Variants in TMEM178B observed in about 807,000 individuals in gnomAD.
TMEM178B encodes transmembrane protein 178B.
Under a neutral mutation model 31.0 loss-of-function variants are expected in TMEM178B, and 5 were observed. That is an observed-to-expected ratio of 0.16 (90% CI 0.08 to 0.34). The LOEUF (loss-of-function observed/expected upper bound fraction) is 0.34, where lower values mean the gene tolerates loss of function less well. Ranked by LOEUF, TMEM178B falls within the 10% of genes least tolerant of loss-of-function variation. The pLI, the probability that TMEM178B is intolerant of heterozygous loss-of-function variation, is 1.00. For synonymous variants in TMEM178B, 164 were observed against 164.0 expected, an observed-to-expected ratio of 1.00 and a Z score of 0.00; for missense variants, 275 against 400.3, an observed-to-expected ratio of 0.69 and a Z score of 2.67.
At chr7:141,453,315 T>C (rs543174061) in intron 3 of TMEM178B, among the ~76,000 whole-genome samples, 2 of 152,374 alleles carry the variant, frequency 1.3e-5, no homozygotes, top group East Asian at 3.9e-4. Context: ...TAACTTTGAC[T>C]TCTTGGCCTT....
rs757938228 is a variant in TMEM178B at position 141,473,466 on chromosome 7, G to A, written c.*2680G>A. On this transcript the variant is annotated 3_prime_UTR_variant, in exon 4 of 4. Coordinates refer to ENST00000565468, the MANE Select transcript of TMEM178B (RefSeq NM_001195278.2). The stretch of plus-strand genomic sequence containing the variant: ...TTTGTAAGTAATCATGTTTGAGGAT[G>A]CTGGCTCACAGACCTATCATTATTT... 2 of 152,164 alleles carry A rather than the reference G, an allele frequency of 1.3e-5. No homozygotes were observed. The highest frequency in any genetic ancestry group is 2.9e-5 in the Non-Finnish European group (2 of 68,032). The allele number at this position is 152,164 out of a possible 1,614,324, so 9.4% of individuals were successfully genotyped here. A position where few individuals can be genotyped will look rare whatever the true frequency, so the allele number is the denominator to read the frequency against.
At chr7:141,363,804 C>T (rs1799957330) in intron 2 of TMEM178B, among the ~76,000 whole-genome samples, 1 of 151,954 alleles carries the variant, frequency 6.6e-6, no homozygotes, top group South Asian at 2.1e-4. Context: ...AGTAGAGGAC[C>T]CTTTCAGCCC....
chr7:141,337,410 A>G (rs1184374414), intron 2 of TMEM178B, among the ~76,000 whole-genome samples: 2 of 151,694 alleles, frequency 1.3e-5, no homozygotes, highest in African/African-American at 4.9e-5. Context: ...AGCAGCAAGA[A>G]ACTCTTATTG....
intron 1 of TMEM178B, among the ~76,000 whole-genome samples, chr7:141,131,932 T>C (rs1041667021): frequency 1.3e-5 from 2 of 152,162 alleles, no homozygotes; most frequent in African/African-American, 4.8e-5. Context: ...GCAGATGCTC[T>C]GCAGCTTTAC....
chr7:141,319,111 G>A (rs1799053877), intron 2 of TMEM178B, among the ~76,000 whole-genome samples: 1 of 152,230 alleles, frequency 6.6e-6, no homozygotes, highest in African/African-American at 2.4e-5. Context: ...GGCAATCCTA[G>A]TGGACCACTG....
At chr7:141,483,299 G>A (rs558378332), downstream of TMEM178B, among the ~76,000 whole-genome samples, 3 of 152,152 alleles carry the variant, frequency 2.0e-5, no homozygotes, top group Non-Finnish European at 4.4e-5. Flanking sequence ...GTCCACATGA[G>A]AGTTCCTTTC....
chr7:141,214,246 T>G (rs1204189054), intron 2 of TMEM178B, among the ~76,000 whole-genome samples: 1 of 152,198 alleles, frequency 6.6e-6, no homozygotes, highest in African/African-American at 2.4e-5. Flanking sequence ...TAACTTAAGT[T>G]ATGGGGGTCG....
chr7:141,090,576 CTCT>C (rs1441266710), intron 1 of TMEM178B, among the ~76,000 whole-genome samples: 1 of 152,158 alleles, frequency 6.6e-6, no homozygotes, highest in Non-Finnish European at 1.5e-5. Flanking sequence ...CTGTAATTTC[CTCT>C]TCTTTGGTTT....
At chr7:141,172,212 A>G (rs568895799) in intron 1 of TMEM178B, among the ~76,000 whole-genome samples, 21 of 152,174 alleles carry the variant, frequency 1.4e-4, no homozygotes, top group Non-Finnish European at 2.5e-4. Context: ...CATCTCATTC[A>G]TTCATTCATT....
At chr7:141,334,664 A>G (rs924949820) in intron 2 of TMEM178B, among the ~76,000 whole-genome samples, 2 of 152,190 alleles carry the variant, frequency 1.3e-5, no homozygotes, top group African/African-American at 4.8e-5. Flanking sequence ...TCACCATCCC[A>G]TAGACCCTCA....
At chr7:141,128,055 G>T (rs1055885035) in intron 1 of TMEM178B, among the ~76,000 whole-genome samples, 1 of 152,166 alleles carries the variant, frequency 6.6e-6, no homozygotes, top group Non-Finnish European at 1.5e-5. Flanking sequence ...TATTGATAAG[G>T]TGATTGCATA....
chr7:141,343,077 C>T (rs543796638), intron 2 of TMEM178B, among the ~76,000 whole-genome samples: 2 of 152,266 alleles, frequency 1.3e-5, no homozygotes, highest in South Asian at 4.1e-4. Flanking sequence ...CGGGCTGAGG[C>T]CTGAGAAGGT....
At chr7:141,216,352 C>T (rs1200252127) in intron 2 of TMEM178B, among the ~76,000 whole-genome samples, 1 of 151,740 alleles carries the variant, frequency 6.6e-6, no homozygotes, top group Admixed American at 6.6e-5. Flanking sequence ...ATTCTGGAGG[C>T]CACTAGGCTT....
chr7:141,447,844 T>C (rs1801789381), intron 3 of TMEM178B, among the ~76,000 whole-genome samples: 1 of 152,054 alleles, frequency 6.6e-6, no homozygotes, highest in Admixed American at 6.5e-5. Flanking sequence ...GGATGTCTCG[T>C]TCAAACATGA....
At chr7:141,363,747 A>C (rs1472093238) in intron 2 of TMEM178B, among the ~76,000 whole-genome samples, 1 of 152,136 alleles carries the variant, frequency 6.6e-6, no homozygotes, top group Admixed American at 6.5e-5. Flanking sequence ...ATAAGCCTGG[A>C]CACACAGGAG....
At chr7:141,188,889 G>A (rs1285256787) in intron 1 of TMEM178B, among the ~76,000 whole-genome samples, 1 of 152,232 alleles carries the variant, frequency 6.6e-6, no homozygotes, top group Non-Finnish European at 1.5e-5. Context: ...AAGAGCCAGC[G>A]TTATTCATTG....
intron 2 of TMEM178B, among the ~76,000 whole-genome samples, chr7:141,217,394 G>A (rs1797174522): frequency 6.6e-6 from 1 of 152,204 alleles, no homozygotes; most frequent in African/African-American, 2.4e-5. Context: ...AGAGGAAGCT[G>A]AGAAAACAGG....
rs111805187 is a variant in TMEM178B, at chr7:141,124,750, A to G, written c.382+50058A>G. On this transcript the variant is annotated intron_variant, in intron 1 of 3. Coordinates refer to ENST00000565468, the MANE Select transcript of TMEM178B (RefSeq NM_001195278.2). ...ATGCATTGTAAATGTTTGAAATTGC[A>G]ACATAAGCAAGGTAGGGATATGAGT... is the stretch of plus-strand genomic sequence containing the variant. 1.4e-3 allele frequency among the ~76,000 whole-genome samples: 207 copies of G among 152,370 alleles called. 2 individuals are homozygous for G. Among genetic ancestry groups the G allele is most frequent in the Non-Finnish European group, 2.7e-3 (184 of 68,038 alleles).
chr7:141,216,029 C>T (rs866532961), intron 2 of TMEM178B, among the ~76,000 whole-genome samples: 5 of 151,494 alleles, frequency 3.3e-5, no homozygotes, highest in Middle Eastern at 6.9e-3. Flanking sequence ...CCGGATTTCA[C>T]CATGTTGGCC....
Sources: gnomAD v4.1 joint callset for allele counts (sites outside exome capture counted in the v4.1 genomes callset) on GRCh38, gnomAD v4.1.1 for gene constraint, MANE v1.5 for transcripts, NCBI Gene and HGNC (gene_info 2026-07-23, HGNC 2026-07-21) for gene names.